The following PDE8A variants were observed in gnomAD, a reference collection of about 807,000 sequenced individuals.
PDE8A encodes the protein high affinity cAMP-specific and IBMX-insensitive 3',5'-cyclic phosphodiesterase 8A.
PDE8A carries 59 observed loss-of-function variants against 105.0 expected under a neutral mutation model. The ratio of observed to expected loss-of-function variants is 0.56; its 90% CI spans 0.46 to 0.70. The LOEUF is 0.70. Ranked by LOEUF, PDE8A falls within the 30% of genes least tolerant of loss-of-function variation. PDE8A has a pLI of 0.00. For synonymous variants in PDE8A, 355 were observed against 371.9 expected (o/e 0.95, Z 0.52); for missense variants, 1,014 against 1,045.9 (o/e 0.97, Z 0.42).
Position 85,116,136 on chromosome 15 carries a change from C to T in PDE8A, c.1535+17C>T. 2 of 1,613,222 alleles carry T rather than the reference C, an allele frequency of 1.2e-6. No individual in the cohort carries two copies. The highest frequency in any genetic ancestry group is 1.7e-4 in the Middle Eastern group (1 of 6,052). On this transcript the variant is annotated intron_variant, in intron 16 of 21. Coordinates refer to ENST00000394553, the MANE Select transcript of PDE8A (RefSeq NM_002605.3). ...CCACAATAGGTGAGTTCATGCAGAG[C>T]TCAGCAGCGGGAGAACTAGATTCCC...
chr15:85,020,150 T>C (rs289411), intron 1 of PDE8A, among the ~76,000 whole-genome samples: 117,683 of 151,728 alleles, frequency 0.78, 45,884 homozygotes, highest in African/African-American at 0.85. Context: ...TAGGTATTCT[T>C]TCTTAGGCAC....
intron 9 of PDE8A, 110 bp downstream of exon 9, chr15:85,098,146 T>C: frequency 2.8e-6 from 2 of 711,672 alleles, no homozygotes; most frequent in African/African-American, 1.8e-5. Context: ...CAAGGTCAGG[T>C]GTCATCACAG....
At chr15:85,077,981 A>C (rs887843288) in intron 5 of PDE8A, among the ~76,000 whole-genome samples, 13 of 151,740 alleles carry the variant, frequency 8.6e-5, no homozygotes, top group Admixed American at 2.6e-4. Flanking sequence ...TGTATATGTA[A>C]CTGGAGTTCC....
At chr15:85,049,562 A>G (rs140353492) in intron 1 of PDE8A, among the ~76,000 whole-genome samples, 20 of 152,334 alleles carry the variant, frequency 1.3e-4, no homozygotes, top group South Asian at 2.1e-4. Context: ...CATTTTATGC[A>G]TATACCACAT....
intron 14 of PDE8A, among the ~76,000 whole-genome samples, chr15:85,114,615 A>G (rs2082067468): frequency 6.6e-6 from 1 of 152,198 alleles, no homozygotes; most frequent in South Asian, 2.1e-4. Flanking sequence ...TGCAGCACAG[A>G]TTATTCCATT....
intron 1 of PDE8A, among the ~76,000 whole-genome samples, chr15:84,991,923 G>A (rs1360600886): frequency 2.0e-5 from 3 of 152,072 alleles, no homozygotes; most frequent in East Asian, 1.9e-4. Context: ...CGAGGCAGGA[G>A]GATTACTTGA....
intron 1 of PDE8A, among the ~76,000 whole-genome samples, chr15:85,001,324 C>T (rs2080063800): frequency 6.6e-6 from 1 of 152,104 alleles, no homozygotes; most frequent in South Asian, 2.1e-4. Context: ...GATTTTATGT[C>T]TGGAAAAAAT....
intron 1 of PDE8A, among the ~76,000 whole-genome samples, chr15:85,061,498 C>G (rs1386900756): frequency 6.6e-6 from 1 of 152,166 alleles, no homozygotes; most frequent in Non-Finnish European, 1.5e-5. Flanking sequence ...TCTCAGCCTC[C>G]CAAAGTGCTG....
chr15:85,098,016 A>G lies in PDE8A; in HGVS notation c.921A>G (p.Ile307Met), dbSNP rs1191980848. The change falls in exon 9 of 22, where the codon ATA becomes ATG. Residue 307 changes from isoleucine (I) to methionine (M), a missense_variant. Ile to Met is a conservative substitution (Grantham distance 10, BLOSUM62 1). Transcript: ENST00000394553. ...GDNIQQNVKI[I>M]PVIGQGGKIR... The stretch of plus-strand genomic sequence containing the variant: ...ATATACAACAAAATGTGAAGATAAT[A>G]CCTGTCATTGGACAGGGAGGGTAAG... 7 of 1,597,690 alleles carry G rather than the reference A, an allele frequency of 4.4e-6. No homozygotes were observed. In the South Asian group the frequency reaches 6.6e-5, roughly 15 times the overall value.
At chr15:84,985,962 T>C (rs1297533428) in intron 1 of PDE8A, among the ~76,000 whole-genome samples, 1 of 152,090 alleles carries the variant, frequency 6.6e-6, no homozygotes, top group Non-Finnish European at 1.5e-5. Context: ...CGGTGGCTCA[T>C]GTCTATAGTC....
At chr15:85,137,348 G>A (rs1006128102) in intron 21 of PDE8A, among the ~76,000 whole-genome samples, 18 of 152,112 alleles carry the variant, frequency 1.2e-4, no homozygotes, top group South Asian at 8.3e-4. Context: ...GACCAGACGC[G>A]TGTGTCCCCA....
At chr15:85,116,209 C>G in intron 16 of PDE8A, 90 bp downstream of exon 16, 1 of 1,345,938 alleles carries the variant, frequency 7.4e-7, no homozygotes, top group Non-Finnish European at 1.0e-6. Flanking sequence ...TGTGCACAAG[C>G]CTGGTACCTG....
chr15:85,014,753 G>A (rs921936914), intron 1 of PDE8A, among the ~76,000 whole-genome samples: 5 of 152,098 alleles, frequency 3.3e-5, no homozygotes, highest in Admixed American at 6.5e-5. Flanking sequence ...GTCTATGGAG[G>A]AATTGTTCAT....
intron 1 of PDE8A, among the ~76,000 whole-genome samples, chr15:85,057,507 C>A (rs556437021): frequency 6.6e-6 from 1 of 152,286 alleles, no homozygotes; most frequent in Non-Finnish European, 1.5e-5. Flanking sequence ...GATGCCCCTC[C>A]CTGCTCTGGC....
At chr15:85,061,938 T>C (rs1465582397) in intron 1 of PDE8A, among the ~76,000 whole-genome samples, 2 of 152,198 alleles carry the variant, frequency 1.3e-5, no homozygotes, top group Non-Finnish European at 2.9e-5. Flanking sequence ...CCAGAAATTA[T>C]TTTTGGTTTC....
At chr15:85,013,629 G>A (rs1259161320) in intron 1 of PDE8A, among the ~76,000 whole-genome samples, 1 of 152,208 alleles carries the variant, frequency 6.6e-6, no homozygotes, top group Admixed American at 6.5e-5. Context: ...GAATTATGTT[G>A]TATTTGTTGC....
chr15:85,027,547 C>T (rs1367435688), intron 1 of PDE8A, among the ~76,000 whole-genome samples: 1 of 152,156 alleles, frequency 6.6e-6, no homozygotes, highest in African/African-American at 2.4e-5. Context: ...TGACTTACTG[C>T]GTTTAGTTAT....
chr15:85,023,347 A>AGTG (rs1201715136), intron 1 of PDE8A, among the ~76,000 whole-genome samples: 1 of 152,168 alleles, frequency 6.6e-6, no homozygotes, highest in Non-Finnish European at 1.5e-5. Flanking sequence ...TTTCTCCCGC[A>AGTG]GTGGTTATCA....
intron 1 of PDE8A, among the ~76,000 whole-genome samples, chr15:85,000,820 C>T (rs1401690522): frequency 6.6e-6 from 1 of 152,140 alleles, no homozygotes; most frequent in African/African-American, 2.4e-5. Flanking sequence ...AATAATCTGC[C>T]CTGTTTTTCT....
Sources: gnomAD v4.1 joint callset for allele counts (sites outside exome capture counted in the v4.1 genomes callset) on GRCh38, gnomAD v4.1.1 for gene constraint, MANE v1.5 for transcripts, NCBI Gene and HGNC (gene_info 2026-07-23, HGNC 2026-07-21) for gene names.